Variants in ST8SIA6 observed in about 807,000 individuals in gnomAD.
ST8SIA6 encodes alpha-2,8-sialyltransferase 8F.
A neutral mutation model predicts 33.6 loss-of-function variants in ST8SIA6; 39 were observed. The ratio of observed to expected loss-of-function variants is 1.16; its 90% CI spans 0.90 to 1.52. The LOEUF is 1.52. Among genes scored for constraint, ST8SIA6 ranks in the 40% most tolerant of loss-of-function variants. ST8SIA6 has a pLI of 0.00. For synonymous variants in ST8SIA6, 172 were observed against 167.2 expected (o/e 1.03, Z -0.22); for missense variants, 441 against 443.8 (o/e 0.99, Z 0.06).
intron 3 of ST8SIA6, among the ~76,000 whole-genome samples, chr10:17,382,063 A>G (rs931146366): frequency 6.6e-6 from 1 of 152,208 alleles, no homozygotes; most frequent in Non-Finnish European, 1.5e-5. Context: ...GTGGTTTCAT[A>G]ACTTTAAATC....
chr10:17,361,236 A>T (rs1294955101), intron 3 of ST8SIA6, among the ~76,000 whole-genome samples: 2 of 152,070 alleles, frequency 1.3e-5, no homozygotes, highest in Non-Finnish European at 2.9e-5. Context: ...TTCTTTGAAA[A>T]CATCAATTAA....
intron 2 of ST8SIA6, among the ~76,000 whole-genome samples, chr10:17,425,339 A>C (rs1042681021): frequency 6.6e-6 from 1 of 152,174 alleles, no homozygotes; most frequent in South Asian, 2.1e-4. Flanking sequence ...GAGGCCGAGG[A>C]GGCTGAATCA....
intron 3 of ST8SIA6, among the ~76,000 whole-genome samples, chr10:17,381,722 C>G (rs555713862): frequency 2.0e-5 from 3 of 152,298 alleles, no homozygotes; most frequent in East Asian, 1.9e-4. Context: ...AAACTGTAAA[C>G]CCAGCCCCAA....
intron 2 of ST8SIA6, among the ~76,000 whole-genome samples, chr10:17,394,334 T>A (rs922400277): frequency 1.3e-5 from 2 of 150,912 alleles, no homozygotes; most frequent in African/African-American, 4.9e-5. Context: ...CTTTAGCTCT[T>A]GAGCTTTGGG....
At chr10:17,440,475 G>A (rs1327418530) in intron 2 of ST8SIA6, among the ~76,000 whole-genome samples, 1 of 152,040 alleles carries the variant, frequency 6.6e-6, no homozygotes, top group African/African-American at 2.4e-5. Flanking sequence ...CAAAGTGCTG[G>A]GATTACAGGT....
intron 3 of ST8SIA6, among the ~76,000 whole-genome samples, chr10:17,360,773 A>C (rs1353074465): frequency 6.6e-6 from 1 of 152,074 alleles, no homozygotes; most frequent in Non-Finnish European, 1.5e-5. Flanking sequence ...ACAGGTAAAT[A>C]GAGAACAAAC....
chr10:17,337,244 T>G (rs2131592856), intron 4 of ST8SIA6, among the ~76,000 whole-genome samples: 1 of 152,330 alleles, frequency 6.6e-6, no homozygotes, highest in East Asian at 1.9e-4. Flanking sequence ...ACGATTCCTG[T>G]GCAGCCTGCA....
intron 2 of ST8SIA6, among the ~76,000 whole-genome samples, chr10:17,441,605 G>A (rs1366487661): frequency 7.9e-5 from 12 of 151,902 alleles, no homozygotes; most frequent in Non-Finnish European, 1.0e-4. Flanking sequence ...CACTGCACCC[G>A]GCCCCTGGAT....
intron 3 of ST8SIA6, among the ~76,000 whole-genome samples, chr10:17,363,683 G>C (rs1849468609): frequency 6.6e-6 from 1 of 152,156 alleles, no homozygotes; most frequent in East Asian, 1.9e-4. Context: ...TTGTGAACAG[G>C]TTATTAAACT....
At chr10:17,386,415 T>G (rs1015081057) in intron 3 of ST8SIA6, among the ~76,000 whole-genome samples, 1 of 152,148 alleles carries the variant, frequency 6.6e-6, no homozygotes, top group Admixed American at 6.5e-5. Flanking sequence ...GGCACGCGCC[T>G]GTAGTCCCAG....
At chr10:17,408,764 A>T (rs572989354) in intron 2 of ST8SIA6, among the ~76,000 whole-genome samples, 6 of 151,324 alleles carry the variant, frequency 4.0e-5, no homozygotes, top group South Asian at 2.1e-4. Context: ...TTATTTATTT[A>T]TTTTTTTTGA....
chr10:17,401,434 A>G (rs912081062), intron 2 of ST8SIA6, among the ~76,000 whole-genome samples: 5 of 152,232 alleles, frequency 3.3e-5, no homozygotes, highest in African/African-American at 1.2e-4. Flanking sequence ...GAACTACTTT[A>G]AAGTTCATAT....
chr10:17,351,216 T>A (rs1240623773), intron 4 of ST8SIA6, among the ~76,000 whole-genome samples: 1 of 151,852 alleles, frequency 6.6e-6, no homozygotes, highest in Non-Finnish European at 1.5e-5. Context: ...CCTGCACAAG[T>A]CTACTGCACT....
chr10:17,453,631 G>T lies in ST8SIA6; in HGVS notation c.128C>A (p.Ala43Asp). The T allele has an allele frequency of 7.5e-7, 1 of 1,325,030 alleles. No homozygotes were observed. The highest frequency in any genetic ancestry group is 9.7e-7 in the Non-Finnish European group (1 of 1,030,040). 82.1% of individuals were successfully genotyped at this position (1,325,030 alleles called of 1,614,324 possible). ...ARILVEESRE[A>D]THGTPAALRT... Reference sequence around the variant, plus strand: ...CAGCGCTGCGGGGGTGCCGTGGGTGGCCTCCCTGCTTTCCTCCACCAGAAT... The same window carrying T: ...CAGCGCTGCGGGGGTGCCGTGGGTGTCCTCCCTGCTTTCCTCCACCAGAAT... Residue 43 changes from alanine to aspartate, a missense_variant, in exon 2 of 8, where the codon GCC (alanine) becomes GAC (aspartate). Coordinates refer to ENST00000377602, the MANE Select transcript of ST8SIA6 (RefSeq NM_001004470.3).
intron 4 of ST8SIA6, among the ~76,000 whole-genome samples, chr10:17,340,414 G>A (rs959459963): frequency 6.6e-6 from 1 of 151,790 alleles, no homozygotes; most frequent in Non-Finnish European, 1.5e-5. Context: ...TGCCAAAACT[G>A]CTCACCCCGC....
intron 2 of ST8SIA6, among the ~76,000 whole-genome samples, chr10:17,392,433 A>G (rs553446801): frequency 6.6e-6 from 1 of 152,262 alleles, no homozygotes; most frequent in East Asian, 1.9e-4. Context: ...GAGCTGAGGC[A>G]GGTAAATCAC....
At chr10:17,327,217 C>A in intron 5 of ST8SIA6, 91 bp from the exon 6 acceptor site, 1 of 909,926 alleles carries the variant, frequency 1.1e-6, no homozygotes, top group Non-Finnish European at 1.7e-6. Flanking sequence ...ACTCTTTATA[C>A]ATGCTAAGGA....
chr10:17,368,461 A>G (rs938742070), intron 3 of ST8SIA6, among the ~76,000 whole-genome samples: 5 of 149,630 alleles, frequency 3.3e-5, no homozygotes, highest in African/African-American at 1.2e-4. Flanking sequence ...TTTATATTGT[A>G]GTAACGGTTG....
chr10:17,341,223 T>A (rs1160761912), intron 4 of ST8SIA6, among the ~76,000 whole-genome samples: 1 of 152,202 alleles, frequency 6.6e-6, no homozygotes. Context: ...AACTCTATAA[T>A]GTTCAAAACC....
Sources: allele counts gnomAD v4.1 joint callset (sites outside exome capture counted in the v4.1 genomes callset), GRCh38; gene constraint gnomAD v4.1.1; transcripts MANE v1.5; gene names NCBI Gene and HGNC (gene_info 2026-07-23, HGNC 2026-07-21).